TAFA4: variants seen among roughly 807,000 people sequenced by gnomAD.
TAFA4 encodes the protein TAFA chemokine like family member 4.
A neutral mutation model predicts 21.1 loss-of-function variants in TAFA4; 20 were observed. The ratio of observed to expected loss-of-function variants is 0.95; its 90% confidence interval spans 0.67 to 1.38. The LOEUF (loss-of-function observed/expected upper bound fraction) is 1.38, where lower values mean the gene tolerates loss of function less well. TAFA4 is among the 40% of genes most tolerant of loss of function. The pLI, the probability that TAFA4 is intolerant of heterozygous loss-of-function variation, is 0.00. For synonymous variants in TAFA4, 71 were observed against 67.4 expected, an observed-to-expected ratio of 1.05 and a Z score of -0.26; for missense variants, 211 against 180.9, an observed-to-expected ratio of 1.17 and a Z score of -0.95.
intron 3 of TAFA4, among the ~76,000 whole-genome samples, chr3:68,799,666 G>A (rs1424478043): frequency 6.6e-6 from 1 of 152,160 alleles, no homozygotes; most frequent in Non-Finnish European, 1.5e-5. Flanking sequence ...TGTGACAAAG[G>A]AAGCAGAAGG....
chr3:68,849,547 C>T (rs1433450733), intron 3 of TAFA4, among the ~76,000 whole-genome samples: 4 of 152,166 alleles, frequency 2.6e-5, no homozygotes, highest in Non-Finnish European at 5.9e-5. Flanking sequence ...GACAAGGTAG[C>T]AGAAATATGA....
chr3:68,832,794 C>T (rs113061922), intron 3 of TAFA4, among the ~76,000 whole-genome samples: 7 of 152,184 alleles, frequency 4.6e-5, no homozygotes, highest in South Asian at 2.1e-4. Context: ...CCTCCAGAGG[C>T]GGAATCTAGA....
intron 3 of TAFA4, among the ~76,000 whole-genome samples, chr3:68,854,540 C>A (rs908235783): frequency 6.6e-6 from 1 of 152,060 alleles, no homozygotes; most frequent in Admixed American, 6.6e-5. Context: ...TGGGCAAGCA[C>A]CAAGTCTTAG....
intron 3 of TAFA4, among the ~76,000 whole-genome samples, chr3:68,757,512 C>T (rs1229586417): frequency 6.6e-6 from 1 of 152,078 alleles, no homozygotes; most frequent in African/African-American, 2.4e-5. Context: ...GCTTTAAACC[C>T]CACTAAGAAA....
chr3:68,732,880 G>T lies in TAFA4; in HGVS notation c.*262C>A, dbSNP rs1233905008. 4.4e-5 allele frequency: 21 copies of T among 476,208 alleles called. No individual in the cohort carries two copies. Among genetic ancestry groups the T allele is most frequent in the Non-Finnish European group, 7.5e-5 (20 of 267,114 alleles). The allele number at this position is 476,208 out of a possible 1,614,324, so 29.5% of individuals were successfully genotyped here. A position where few individuals can be genotyped will look rare whatever the true frequency, so the allele number is the denominator to read the frequency against. ...TTGAAGACTCTGATTTGCTCTTCTC[G>T]GATTTTGGAGGTATGCTCCTTGGGA... On this transcript the variant is annotated 3_prime_UTR_variant, in exon 6 of 6. Coordinates refer to ENST00000295569, the MANE Select transcript of TAFA4 (RefSeq NM_182522.5).
At chr3:68,735,474 C>A (rs1210874466) in intron 5 of TAFA4, among the ~76,000 whole-genome samples, 2 of 152,056 alleles carry the variant, frequency 1.3e-5, no homozygotes, top group Non-Finnish European at 2.9e-5. Flanking sequence ...ACCCTAAGAA[C>A]AACTTTTTTA....
rs568483914 is a variant in TAFA4 at position 68,899,205 on chromosome 3, G to C, written c.-122-13895C>G. On this transcript the variant is annotated intron_variant, in intron 1 of 5. Transcript: ENST00000295569. Reference sequence around the variant, plus strand: ...TTTAGCATCCAAACTGAGATACTAAGTGTAAAATACACACCAAATCTTAAA... The same window carrying C: ...TTTAGCATCCAAACTGAGATACTAACTGTAAAATACACACCAAATCTTAAA... Among the ~76,000 whole-genome samples, 76 of 152,178 alleles carry C rather than the reference G, an allele frequency of 5.0e-4. 1 individual carries two copies. In the South Asian group the frequency reaches 0.015, roughly 31 times the overall value.
chr3:68,885,436 A>G, intron 1 of TAFA4, 126 bp from the exon 2 acceptor site: 1 of 515,628 alleles, frequency 1.9e-6, no homozygotes, highest in Non-Finnish European at 3.4e-6. Context: ...CAAGTGGCAG[A>G]CAGCCAAACA....
chr3:68,842,888 G>A (rs892478136), intron 3 of TAFA4, among the ~76,000 whole-genome samples: 1 of 152,122 alleles, frequency 6.6e-6, no homozygotes, highest in East Asian at 1.9e-4. Context: ...TGTTTCATTG[G>A]TCTATGTATC....
At chr3:68,808,500 A>G (rs921506053) in intron 3 of TAFA4, among the ~76,000 whole-genome samples, 4 of 152,190 alleles carry the variant, frequency 2.6e-5, no homozygotes, top group African/African-American at 9.7e-5. Flanking sequence ...GCCTTCTTAA[A>G]CCCTCTGAAT....
chr3:68,743,347 G>A (rs1031099801), intron 4 of TAFA4, among the ~76,000 whole-genome samples: 4 of 152,074 alleles, frequency 2.6e-5, no homozygotes, highest in African/African-American at 9.7e-5. Context: ...AGGCCTAGGT[G>A]GGCAGATCAC....
intron 1 of TAFA4, among the ~76,000 whole-genome samples, chr3:68,890,495 G>A (rs2089719277): frequency 6.6e-6 from 1 of 152,154 alleles, no homozygotes; most frequent in African/African-American, 2.4e-5. Context: ...TCCAGAGAAG[G>A]TTTATTTGTT....
chr3:68,875,780 C>G (rs7615319), intron 3 of TAFA4, among the ~76,000 whole-genome samples: 21,257 of 152,074 alleles, frequency 0.14, 2,312 homozygotes, highest in African/African-American at 0.31. Context: ...ACTTCCCTCT[C>G]CCTAAAAATA....
intron 1 of TAFA4, among the ~76,000 whole-genome samples, chr3:68,919,998 C>T (rs2090042272): frequency 6.6e-6 from 1 of 152,158 alleles, no homozygotes; most frequent in Admixed American, 6.6e-5. Context: ...TATGAGAAGG[C>T]TTTAAACAGT....
rs1181648532 is a variant in TAFA4 at position 68,889,668 on chromosome 3, C to T, written c.-122-4358G>A. ...GTTCCTCTTAAAATTGAAAGACACACTGACCTTAAACCTGGATCTAACTAT... is the reference window on the plus strand; with the variant it reads ...GTTCCTCTTAAAATTGAAAGACACATTGACCTTAAACCTGGATCTAACTAT... On this transcript the variant is annotated intron_variant, in intron 1 of 5. Transcript: ENST00000295569. 2.6e-5 allele frequency among the ~76,000 whole-genome samples: 4 copies of T among 152,182 alleles called. No individual in the cohort carries two copies. In the East Asian group the frequency reaches 7.7e-4, roughly 29 times the overall value.
At chr3:68,788,125 T>C (rs1163011791) in intron 3 of TAFA4, among the ~76,000 whole-genome samples, 3 of 152,252 alleles carry the variant, frequency 2.0e-5, no homozygotes, top group Admixed American at 6.5e-5. Flanking sequence ...TTTCTCTACA[T>C]AAATCTTGCA....
At chr3:68,744,095 T>C (rs1702407833) in intron 4 of TAFA4, among the ~76,000 whole-genome samples, 1 of 152,222 alleles carries the variant, frequency 6.6e-6, no homozygotes, top group East Asian at 1.9e-4. Flanking sequence ...ATACTTTGTC[T>C]TCAAAACTCT....
At chr3:68,868,370 A>G (rs1387693831) in intron 3 of TAFA4, among the ~76,000 whole-genome samples, 1 of 152,042 alleles carries the variant, frequency 6.6e-6, no homozygotes, top group Non-Finnish European at 1.5e-5. Context: ...CAACAAAGAA[A>G]CATCAGAGTT....
chr3:68,743,460 C>T (rs764348198), intron 4 of TAFA4, among the ~76,000 whole-genome samples: 2 of 151,628 alleles, frequency 1.3e-5, no homozygotes, highest in Non-Finnish European at 2.9e-5. Flanking sequence ...CCTGTAGTTC[C>T]AGCTACTCAG....
Sources: allele counts gnomAD v4.1 joint callset (sites outside exome capture counted in the v4.1 genomes callset), GRCh38; gene constraint gnomAD v4.1.1; transcripts MANE v1.5; gene names NCBI Gene and HGNC (gene_info 2026-07-23, HGNC 2026-07-21).